The following GATAD2B variants were observed in gnomAD, a reference collection of about 807,000 sequenced individuals.
GATAD2B encodes the protein transcriptional repressor p66-beta.
Under a neutral mutation model 64.3 loss-of-function variants are expected in GATAD2B, and 8 were observed. The observed-to-expected ratio is 0.12, with a 90% confidence interval of 0.07 to 0.22. The LOEUF (loss-of-function observed/expected upper bound fraction) is 0.22, where lower values mean the gene tolerates loss of function less well. Among genes scored for constraint, GATAD2B ranks in the 10% least tolerant of loss-of-function variants. The probability of loss-of-function intolerance (pLI) is 1.00; values close to 1 mark genes in which losing one functional copy is unlikely to be tolerated. For missense variants in GATAD2B, 453 were observed against 752.0 expected (o/e 0.60, Z 4.65); for synonymous variants, 281 against 271.3 (o/e 1.04, Z -0.35).
chr1:153,813,542 T>C, intron 7 of GATAD2B, 90 bp from the exon 8 acceptor site: 2 of 858,338 alleles, frequency 2.3e-6, no homozygotes. Context: ...GAGTTTATTC[T>C]GTTGAATTAA....
At chr1:153,838,942 T>C (rs1288094066) in intron 1 of GATAD2B, among the ~76,000 whole-genome samples, 1 of 151,588 alleles carries the variant, frequency 6.6e-6, no homozygotes, top group African/African-American at 2.4e-5. Context: ...AAAGCTTGTC[T>C]CTACTAAAAA....
rs140444262 is a variant in GATAD2B at position 153,815,236 on chromosome 1, G to A, written c.1216+1037C>T. ...TGCAGAGAGCTGAGATCACACCACT[G>A]CACTCAAGCCTGGACAACAGGGTCA... On this transcript the variant is annotated intron_variant, in intron 7 of 10. Transcript: ENST00000368655. Among the ~76,000 whole-genome samples, 273 of 129,326 alleles carry A rather than the reference G, an allele frequency of 2.1e-3. 2 individuals are homozygous for A. Among genetic ancestry groups the A allele is most frequent in the African/African-American group, 7.5e-3 (257 of 34,482 alleles). 84.8% of individuals were successfully genotyped at this position (129,326 alleles called of 152,430 possible).
chr1:153,916,953 G>A (rs1055850673), intron 1 of GATAD2B, among the ~76,000 whole-genome samples: 14 of 135,290 alleles, frequency 1.0e-4, no homozygotes, highest in Non-Finnish European at 1.6e-4. Context: ...GATTACAGGC[G>A]CCCACCACCA....
At chr1:153,847,460 C>T (rs886641394) in intron 1 of GATAD2B, among the ~76,000 whole-genome samples, 9 of 152,188 alleles carry the variant, frequency 5.9e-5, no homozygotes, top group Admixed American at 2.0e-4. Context: ...TCATAGCTTA[C>T]TGCAGCCTCA....
intron 1 of GATAD2B, among the ~76,000 whole-genome samples, chr1:153,839,953 G>A (rs1039397299): frequency 5.3e-5 from 8 of 151,148 alleles, no homozygotes; most frequent in Non-Finnish European, 8.8e-5. Flanking sequence ...TAGACCTGGC[G>A]ACAAAGCGAG....
intron 1 of GATAD2B, among the ~76,000 whole-genome samples, chr1:153,879,742 A>C (rs2101938372): frequency 6.8e-6 from 1 of 146,210 alleles, no homozygotes; most frequent in African/African-American, 2.5e-5. Context: ...CAGCCTGGCA[A>C]CAGAGCGAGA....
Position 153,810,167 on chromosome 1 carries a change from G to A in GATAD2B, c.*10C>T, listed in dbSNP as rs747880375. On this transcript the variant is annotated 3_prime_UTR_variant, in exon 11 of 11. Transcript: ENST00000368655. ...GATTCAAGGATGGGGCAGTACAAGT[G>A]GAACAGGCGTTATTTCTGTCCACTG... 1 of 1,605,370 alleles carries A rather than the reference G, an allele frequency of 6.2e-7. No individual in the cohort carries two copies. Among genetic ancestry groups the A allele is most frequent in the Non-Finnish European group, 8.5e-7 (1 of 1,175,828 alleles).
intron 1 of GATAD2B, among the ~76,000 whole-genome samples, chr1:153,870,965 T>G (rs1337461398): frequency 1.3e-5 from 2 of 152,186 alleles, no homozygotes; most frequent in African/African-American, 4.8e-5. Context: ...CAGGCTGGAG[T>G]GCAGTGGCAC....
chr1:153,835,596 C>T (rs2101897239), intron 1 of GATAD2B, among the ~76,000 whole-genome samples: 1 of 152,192 alleles, frequency 6.6e-6, no homozygotes, highest in East Asian at 1.9e-4. Context: ...GCTGAAGGCT[C>T]AGATGATTGT....
intron 3 of GATAD2B, 27 bp from the exon 4 acceptor site, chr1:153,818,949 A>G (rs771272911): frequency 2.3e-5 from 37 of 1,603,402 alleles, no homozygotes; most frequent in Middle Eastern, 1.7e-4. Flanking sequence ...ACTTTCAGCT[A>G]TGGCAGCAAG....
At chr1:153,910,060 A>T (rs1356712671) in intron 1 of GATAD2B, among the ~76,000 whole-genome samples, 1 of 152,046 alleles carries the variant, frequency 6.6e-6, no homozygotes, top group African/African-American at 2.4e-5. Flanking sequence ...GGTTGCAGTG[A>T]GCCAAGAATG....
At chr1:153,864,804 C>A (rs907543374) in intron 1 of GATAD2B, among the ~76,000 whole-genome samples, 2 of 152,154 alleles carry the variant, frequency 1.3e-5, no homozygotes, top group Non-Finnish European at 2.9e-5. Context: ...CACAGTGGCT[C>A]ATGCCTGTAA....
At chr1:153,814,188 T>A (rs868339908) in intron 7 of GATAD2B, among the ~76,000 whole-genome samples, 3 of 152,256 alleles carry the variant, frequency 2.0e-5, no homozygotes, top group Admixed American at 2.0e-4. Flanking sequence ...TAGTTATCAG[T>A]GTCTGAATTA....
At chr1:153,892,794 G>A (rs866769563) in intron 1 of GATAD2B, among the ~76,000 whole-genome samples, 2 of 150,316 alleles carry the variant, frequency 1.3e-5, no homozygotes, top group African/African-American at 2.4e-5. Flanking sequence ...TCCCGGGTTC[G>A]GGCAATTATC....
Position 153,922,949 on chromosome 1 carries a change from C to A in GATAD2B, c.-218G>T. 6.4e-6 allele frequency: 1 copy of A among 156,518 alleles called. No homozygotes were observed. The highest frequency in any genetic ancestry group is 1.4e-5 in the Non-Finnish European group (1 of 70,750). The allele number at this position is 156,518 out of a possible 1,614,324, so 9.7% of individuals were successfully genotyped here. The stretch of plus-strand genomic sequence containing the variant: ...GCGGCGGCGACGGCTGCACCGGCGG[C>A]GGCGGCACCACACAAACAAGGACGC... On this transcript the variant is annotated 5_prime_UTR_variant, in exon 1 of 11. Transcript: ENST00000368655.
chr1:153,905,032 C>CCA (rs1677884461), intron 1 of GATAD2B, among the ~76,000 whole-genome samples: 1 of 151,156 alleles, frequency 6.6e-6, no homozygotes, highest in Admixed American at 6.6e-5. Context: ...TTAGTAGAGA[C>CCA]GGGGTTTCAC....
intron 1 of GATAD2B, among the ~76,000 whole-genome samples, chr1:153,919,554 T>C (rs1678366327): frequency 6.6e-6 from 1 of 152,150 alleles, no homozygotes; most frequent in African/African-American, 2.4e-5. Context: ...AAACAGGACC[T>C]ACAGAAAAAG....
chr1:153,852,054 G>A, intron 1 of GATAD2B: 1 of 516,278 alleles, frequency 1.9e-6, no homozygotes, highest in South Asian at 3.2e-5. Flanking sequence ...ATAACGAAAG[G>A]TGTTAACTGG....
At chr1:153,866,455 T>G (rs1213460209) in intron 1 of GATAD2B, among the ~76,000 whole-genome samples, 2 of 152,160 alleles carry the variant, frequency 1.3e-5, no homozygotes, top group African/African-American at 4.8e-5. Flanking sequence ...TTCTAAACTG[T>G]AAACAAAATG....
Sources: gnomAD v4.1 joint callset for allele counts (sites outside exome capture counted in the v4.1 genomes callset) on GRCh38, gnomAD v4.1.1 for gene constraint, MANE v1.5 for transcripts, NCBI Gene and HGNC (gene_info 2026-07-23, HGNC 2026-07-21) for gene names.